The following NOS1AP variants were observed in gnomAD, a reference collection of about 807,000 sequenced individuals.
The protein encoded by NOS1AP is carboxyl-terminal PDZ ligand of neuronal nitric oxide synthase protein.
NOS1AP carries 21 observed loss-of-function variants against 56.2 expected under a neutral mutation model. The ratio of observed to expected loss-of-function variants is 0.37; its 90% confidence interval spans 0.26 to 0.54. The LOEUF (loss-of-function observed/expected upper bound fraction) is 0.54. Among genes scored for constraint, NOS1AP ranks in the 20% least tolerant of loss-of-function variants. The pLI is 0.84. For missense variants in NOS1AP, 522 were observed against 657.8 expected, an observed-to-expected ratio of 0.79 and a Z score of 2.26; for synonymous variants, 270 against 274.6, an observed-to-expected ratio of 0.98 and a Z score of 0.17.
At chr1:162,244,334 C>T (rs1339439815) in intron 2 of NOS1AP, among the ~76,000 whole-genome samples, 1 of 152,150 alleles carries the variant, frequency 6.6e-6, no homozygotes, top group Non-Finnish European at 1.5e-5. Flanking sequence ...GGACTGTTCT[C>T]TTAAACCAAC....
At chr1:162,289,209 T>TTCCC (rs1276270878) in intron 3 of NOS1AP, among the ~76,000 whole-genome samples, 3 of 99,536 alleles carry the variant, frequency 3.0e-5, no homozygotes, top group South Asian at 4.0e-4. Context: ...CCTTCCTTCC[T>TTCCC]TTCCTTCCTT....
chr1:162,153,970 CTTTTTT>C (rs141108657), intron 1 of NOS1AP, among the ~76,000 whole-genome samples: 1 of 138,856 alleles, frequency 7.2e-6, no homozygotes, highest in African/African-American at 2.7e-5. Context: ...GGTATATATT[CTTTTTT>C]TTTTTTTTTT....
intron 1 of NOS1AP, among the ~76,000 whole-genome samples, chr1:162,142,642 G>A (rs116025745): frequency 0.02 from 3,007 of 152,268 alleles, 100 homozygotes; most frequent in African/African-American, 0.068. Context: ...TGTTAAAGGC[G>A]AAAGCATGTG....
At chr1:162,270,714 C>T (rs745420461) in intron 2 of NOS1AP, among the ~76,000 whole-genome samples, 6 of 152,140 alleles carry the variant, frequency 3.9e-5, no homozygotes, top group South Asian at 2.1e-4. Context: ...AATATTGTAG[C>T]GTAGTATTTT....
chr1:162,136,755 T>C (rs1286616404), intron 1 of NOS1AP, among the ~76,000 whole-genome samples: 1 of 152,212 alleles, frequency 6.6e-6, no homozygotes. Context: ...TTTGTGTTTT[T>C]GTGTGTTTGT....
intron 6 of NOS1AP, among the ~76,000 whole-genome samples, chr1:162,349,111 CGG>C (rs1287603637): frequency 3.3e-5 from 5 of 151,788 alleles, no homozygotes; most frequent in Non-Finnish European, 2.9e-5. Context: ...TGCTTGAACC[CGG>C]GAGGTGGAGG....
At chr1:162,240,471 T>C (rs919856146) in intron 2 of NOS1AP, among the ~76,000 whole-genome samples, 26 of 152,196 alleles carry the variant, frequency 1.7e-4, no homozygotes, top group Non-Finnish European at 1.5e-5. Flanking sequence ...TGCCTTTTAC[T>C]AGAGAAGGTT....
intron 1 of NOS1AP, among the ~76,000 whole-genome samples, chr1:162,106,746 A>G: frequency 6.6e-6 from 1 of 152,186 alleles, no homozygotes; most frequent in South Asian, 2.1e-4. Flanking sequence ...CTCTGTTGAC[A>G]AACTGTAGGG....
intron 4 of NOS1AP, among the ~76,000 whole-genome samples, chr1:162,303,223 A>G (rs1655717468): frequency 6.6e-6 from 1 of 152,206 alleles, no homozygotes; most frequent in Non-Finnish European, 1.5e-5. Context: ...CAGGAACAGA[A>G]TGGCTGACTC....
intron 1 of NOS1AP, among the ~76,000 whole-genome samples, chr1:162,088,589 C>G (rs922370512): frequency 5.3e-5 from 8 of 152,110 alleles, no homozygotes; most frequent in African/African-American, 1.9e-4. Flanking sequence ...CTTGGGGATA[C>G]AAAACCAGCA....
intron 2 of NOS1AP, among the ~76,000 whole-genome samples, chr1:162,268,606 A>C (rs772605170): frequency 9.9e-5 from 15 of 152,214 alleles, no homozygotes; most frequent in Non-Finnish European, 1.9e-4. Context: ...AGAAAAAGAG[A>C]GAGACCAAAA....
At chr1:162,142,479 G>GTT (rs369911506) in intron 1 of NOS1AP, among the ~76,000 whole-genome samples, 1 of 151,476 alleles carries the variant, frequency 6.6e-6, no homozygotes, top group African/African-American at 2.4e-5. Context: ...CAAATGTGGG[G>GTT]TTTTTTTTGT....
Position 162,182,242 on chromosome 1 carries a change from CATA to C in NOS1AP, c.177+27769_177+27771del, listed in dbSNP as rs1651287626. On this transcript the variant is annotated intron_variant, in intron 2 of 9. Transcript: ENST00000361897. ...AGTCACTGTGCAGGGTACTTTCATA[CATA>C]ATGTCATTGAACCTTATAATCGGTC... Among the ~76,000 whole-genome samples the C allele has an allele frequency of 4.6e-5, 7 of 152,146 alleles. 1 individual carries two copies.
chr1:162,225,228 A>G (rs1468633704), intron 2 of NOS1AP, among the ~76,000 whole-genome samples: 1 of 152,196 alleles, frequency 6.6e-6, no homozygotes, highest in Non-Finnish European at 1.5e-5. Context: ...AGTTTTGGGT[A>G]GCTCTCACCT....
chr1:162,230,121 G>T (rs1271951495), intron 2 of NOS1AP, among the ~76,000 whole-genome samples: 1 of 152,324 alleles, frequency 6.6e-6, no homozygotes, highest in East Asian at 1.9e-4. Context: ...CTGAGACTCA[G>T]ATCTCCTTGC....
intron 4 of NOS1AP, chr1:162,317,803 T>C (rs1044643974): frequency 2.6e-5 from 4 of 152,244 alleles, no homozygotes; most frequent in African/African-American, 9.6e-5. Context: ...GGGAAGTCAG[T>C]AACAGATGGG....
At chr1:162,294,222 A>AGGAAGGAAGGAAGGAAGGAAG (rs1368335883) in intron 3 of NOS1AP, among the ~76,000 whole-genome samples, 1 of 147,620 alleles carries the variant, frequency 6.8e-6, no homozygotes, top group East Asian at 2.0e-4. Context: ...GAAGGAAGGA[A>AGGAAGGAAGGAAGGAAGGAAG]GGAAGAAAGA....
At chr1:162,312,865 G>C (rs575613996) in intron 4 of NOS1AP, among the ~76,000 whole-genome samples, 1 of 151,560 alleles carries the variant, frequency 6.6e-6, no homozygotes, top group East Asian at 1.9e-4. Context: ...TATAAACAGA[G>C]CCAAAGACAA....
At chr1:162,100,138 G>T (rs1692349227) in intron 1 of NOS1AP, among the ~76,000 whole-genome samples, 1 of 152,162 alleles carries the variant, frequency 6.6e-6, no homozygotes, top group African/African-American at 2.4e-5. Context: ...AATCCTTTGG[G>T]TATATACCCA....
Sources: allele counts gnomAD v4.1 joint callset (sites outside exome capture counted in the v4.1 genomes callset), GRCh38; gene constraint gnomAD v4.1.1; transcripts MANE v1.5; gene names NCBI Gene and HGNC (gene_info 2026-07-23, HGNC 2026-07-21).